The following PTPRT variants were observed in gnomAD, a reference collection of about 807,000 sequenced individuals.
The protein encoded by PTPRT is protein tyrosine phosphatase receptor type T, also known as receptor-type tyrosine-protein phosphatase T.
PTPRT carries 56 observed loss-of-function variants against 176.8 expected under a neutral mutation model. That is an observed-to-expected ratio of 0.32 (90% CI 0.26 to 0.40). PTPRT has a LOEUF of 0.40. Ranked by LOEUF, PTPRT falls within the 10% of genes least tolerant of loss-of-function variation. PTPRT has a pLI of 1.00. For synonymous variants in PTPRT, 783 were observed against 739.0 expected (o/e 1.06, Z -0.96); for missense variants, 1,540 against 1,908.2 (o/e 0.81, Z 3.60).
At chr20:42,945,009 T>C (rs943526559) in intron 1 of PTPRT, among the ~76,000 whole-genome samples, 39 of 151,248 alleles carry the variant, frequency 2.6e-4, no homozygotes, top group African/African-American at 9.2e-4. Context: ...CCAGTGTCAT[T>C]TGTGGCCAGA....
chr20:42,159,867 G>T (rs548909678), intron 17 of PTPRT, among the ~76,000 whole-genome samples: 2 of 152,134 alleles, frequency 1.3e-5, no homozygotes, highest in South Asian at 2.1e-4. Context: ...GACTAATAAA[G>T]AATTTTAAAA....
chr20:42,554,233 T>C (rs753367741), intron 7 of PTPRT, among the ~76,000 whole-genome samples: 3 of 152,136 alleles, frequency 2.0e-5, no homozygotes, highest in Non-Finnish European at 2.9e-5. Context: ...ATGTCTATAA[T>C]ACTAATCTGT....
rs185726991 is a variant in PTPRT, at chr20:42,214,103, G to C, written c.2343-14715C>G. On this transcript the variant is annotated intron_variant, in intron 15 of 30. Coordinates refer to ENST00000373187, the MANE Select transcript of PTPRT (RefSeq NM_007050.6). ...TTACAGATAAAAGAATTGAGGCAGA[G>C]AGAGTTGAAGTAACCCATGGAAAGC... is the stretch of plus-strand genomic sequence containing the variant. 2.6e-3 allele frequency among the ~76,000 whole-genome samples: 395 copies of C among 152,260 alleles called. 1 individual carries two copies. The highest frequency in any genetic ancestry group is 9.3e-3 in the African/African-American group (388 of 41,554).
In PTPRT at chr20:42,163,538, C is replaced by T. The variant is rs527927392; in HGVS notation, c.2492-1996G>A. Among the ~76,000 whole-genome samples the T allele has an allele frequency of 3.3e-5, 5 of 152,210 alleles. No homozygotes were observed. In the South Asian group the frequency reaches 6.2e-4, roughly 19 times the overall value. On this transcript the variant is annotated intron_variant, in intron 16 of 30. Transcript: ENST00000373187. The stretch of plus-strand genomic sequence containing the variant: ...CATCAACCCCTTGGTTTCATGAGTT[C>T]GACTTACTGAGAACCCACTCTGTGC...
chr20:42,392,713 T>C (rs2058811732), intron 9 of PTPRT, among the ~76,000 whole-genome samples: 1 of 152,076 alleles, frequency 6.6e-6, no homozygotes, highest in Non-Finnish European at 1.5e-5. Context: ...GGGAGTATCA[T>C]CCATATGCAA....
intron 9 of PTPRT, among the ~76,000 whole-genome samples, chr20:42,426,139 C>G (rs1330157820): frequency 2.0e-5 from 3 of 151,798 alleles, no homozygotes. Flanking sequence ...CACCCTCAAG[C>G]CTGGAAACCC....
intron 1 of PTPRT, among the ~76,000 whole-genome samples, chr20:43,134,381 T>G (rs376565492): frequency 5.3e-4 from 81 of 152,326 alleles, no homozygotes; most frequent in African/African-American, 1.9e-3. Flanking sequence ...CTTCCCACCT[T>G]TGCTCTCTGA....
At chr20:42,401,087 G>A (rs932270346) in intron 9 of PTPRT, among the ~76,000 whole-genome samples, 4 of 151,520 alleles carry the variant, frequency 2.6e-5, no homozygotes, top group African/African-American at 4.9e-5. Flanking sequence ...AAGCAGATAG[G>A]TTGACGCAGA....
chr20:42,680,601 A>T (rs914820344), intron 6 of PTPRT, among the ~76,000 whole-genome samples: 1 of 152,264 alleles, frequency 6.6e-6, no homozygotes, highest in Non-Finnish European at 1.5e-5. Flanking sequence ...ATTCCTTAAT[A>T]TAATTATTCA....
At chr20:42,049,250 A>T in the PTPRT span, among the ~76,000 whole-genome samples, 1 of 152,256 alleles carries the variant, frequency 6.6e-6, no homozygotes, top group African/African-American at 2.4e-5. Flanking sequence ...TATATGTGAC[A>T]ATGCACATCG....
chr20:42,802,386 T>G (rs929651613), intron 2 of PTPRT, among the ~76,000 whole-genome samples: 1 of 152,252 alleles, frequency 6.6e-6, no homozygotes, highest in Admixed American at 6.5e-5. Flanking sequence ...TCTTGGCCAC[T>G]GGCCATTAAA....
At chr20:42,375,927 A>G (rs149042634) in intron 9 of PTPRT, among the ~76,000 whole-genome samples, 1 of 152,346 alleles carries the variant, frequency 6.6e-6, no homozygotes, top group East Asian at 1.9e-4. Flanking sequence ...TCAGAATACA[A>G]GCAATCAGAA....
chr20:43,123,039 A>G (rs1473115699), intron 1 of PTPRT, among the ~76,000 whole-genome samples: 1 of 152,026 alleles, frequency 6.6e-6, no homozygotes, highest in Non-Finnish European at 1.5e-5. Flanking sequence ...TTTTTAGTAG[A>G]GATGGGGTTT....
intron 1 of PTPRT, among the ~76,000 whole-genome samples, chr20:43,180,858 C>G (rs978647641): frequency 2.0e-5 from 3 of 152,168 alleles, no homozygotes; most frequent in African/African-American, 7.2e-5. Context: ...CTCTGCAGAA[C>G]TCTAAGACAA....
At chr20:42,458,389 C>T (rs569150840) in intron 8 of PTPRT, among the ~76,000 whole-genome samples, 2 of 152,260 alleles carry the variant, frequency 1.3e-5, no homozygotes, top group African/African-American at 2.4e-5. Flanking sequence ...ACTGTATTAC[C>T]TTGGCCAAGC....
At chr20:42,895,044 C>CA (rs1372495371) in intron 1 of PTPRT, among the ~76,000 whole-genome samples, 1 of 152,086 alleles carries the variant, frequency 6.6e-6, no homozygotes, top group Non-Finnish European at 1.5e-5. Context: ...ATAATGTGGT[C>CA]AAAGCAGTTA....
At chr20:42,962,754 C>T (rs544605081) in intron 1 of PTPRT, among the ~76,000 whole-genome samples, 3 of 152,190 alleles carry the variant, frequency 2.0e-5, no homozygotes, top group Admixed American at 2.0e-4. Flanking sequence ...TACCTCCTCC[C>T]TCTGCCAAAT....
intron 1 of PTPRT, among the ~76,000 whole-genome samples, chr20:43,019,190 G>A (rs181199083): frequency 3.5e-4 from 53 of 152,290 alleles, no homozygotes; most frequent in African/African-American, 1.1e-3. Flanking sequence ...TGGTTGATTT[G>A]GGATGTCAAC....
chr20:42,655,320 G>T (rs1365413907), intron 7 of PTPRT, among the ~76,000 whole-genome samples: 2 of 152,080 alleles, frequency 1.3e-5, no homozygotes, highest in Admixed American at 6.6e-5. Flanking sequence ...GTGAAACCTT[G>T]TCTCTATTAA....
Sources: gnomAD v4.1 joint callset for allele counts (sites outside exome capture counted in the v4.1 genomes callset) on GRCh38, gnomAD v4.1.1 for gene constraint, MANE v1.5 for transcripts, NCBI Gene and HGNC (gene_info 2026-07-23, HGNC 2026-07-21) for gene names.